Variants in ABRAXAS2 observed in about 807,000 individuals in gnomAD.
ABRAXAS2 encodes the protein BRISC complex subunit Abraxas 2.
A neutral mutation model predicts 49.0 loss-of-function variants in ABRAXAS2; 23 were observed. The ratio of observed to expected loss-of-function variants is 0.47; its 90% CI spans 0.34 to 0.66. ABRAXAS2 has a LOEUF of 0.66. Ranked by LOEUF, ABRAXAS2 falls within the 30% of genes least tolerant of loss-of-function variation. ABRAXAS2 has a pLI of 0.01. For synonymous variants in ABRAXAS2, 168 were observed against 180.2 expected (o/e 0.93, Z 0.54); for missense variants, 443 against 511.9 (o/e 0.87, Z 1.30).
intron 7 of ABRAXAS2, 83 bp from the exon 8 acceptor site, chr10:124,831,266 C>T: frequency 1.2e-6 from 1 of 823,326 alleles, no homozygotes; most frequent in Non-Finnish European, 2.1e-6. Context: ...CTGGACTTTT[C>T]CTGGAGTTGT....
chr10:124,813,765 G>T (rs1008458397), intron 2 of ABRAXAS2, among the ~76,000 whole-genome samples: 1 of 152,144 alleles, frequency 6.6e-6, no homozygotes. Context: ...TGTCTTTAGC[G>T]TGCTTCTAAT....
chr10:124,816,357 A>G (rs1221906436), intron 2 of ABRAXAS2, among the ~76,000 whole-genome samples: 1 of 152,228 alleles, frequency 6.6e-6, no homozygotes, highest in Admixed American at 6.5e-5. Context: ...ATACATGGAC[A>G]GATAGAAATA....
intron 3 of ABRAXAS2, among the ~76,000 whole-genome samples, chr10:124,817,350 G>C (rs1267530835): frequency 1.3e-5 from 2 of 152,112 alleles, no homozygotes; most frequent in East Asian, 3.9e-4. Flanking sequence ...GAGACACCTG[G>C]AGGGAAAAGA....
In ABRAXAS2 at chr10:124,806,876, A is replaced by G. The variant is rs1950748341; in HGVS notation, c.118A>G (p.Ile40Val). 2 of 1,612,532 alleles carry G rather than the reference A, an allele frequency of 1.2e-6. No individual in the cohort carries two copies. Among genetic ancestry groups the G allele is most frequent in the South Asian group, 1.1e-5 (1 of 90,690 alleles). Residue 40 changes from isoleucine (I) to valine (V), a missense_variant, in exon 2 of 9, where the codon ATC becomes GTC. This residue lies in a region of ABRAXAS2 where 166 missense variants were observed against 247.3 expected (regional missense o/e 0.67). Transcript: ENST00000298492. ...GGTAAGACAAGAGGAAACGTTTAGC[A>G]TCAGTGACTCACAAATCAGCAACAC... ...GEVRQEETFS[I>V]SDSQISNTEF...
At chr10:124,811,737 C>CA (rs1025680526) in intron 2 of ABRAXAS2, among the ~76,000 whole-genome samples, 34 of 150,356 alleles carry the variant, frequency 2.3e-4, no homozygotes, top group African/African-American at 7.5e-4. Context: ...GACTCCGTCT[C>CA]AAAAAAAAAG....
chr10:124,815,568 G>A (rs1589805296), intron 2 of ABRAXAS2, among the ~76,000 whole-genome samples: 2 of 152,290 alleles, frequency 1.3e-5, no homozygotes, highest in East Asian at 1.9e-4. Flanking sequence ...AACGGGTGAT[G>A]AGCTGCTCTC....
At chr10:124,810,647 A>G (rs1194674510) in intron 2 of ABRAXAS2, among the ~76,000 whole-genome samples, 5 of 151,314 alleles carry the variant, frequency 3.3e-5, no homozygotes, top group Non-Finnish European at 7.4e-5. Flanking sequence ...CAGTGGTGCA[A>G]TCTCAGCTCA....
intron 2 of ABRAXAS2, among the ~76,000 whole-genome samples, chr10:124,809,100 C>T (rs1950767109): frequency 6.6e-6 from 1 of 151,416 alleles, no homozygotes; most frequent in Non-Finnish European, 1.5e-5. Context: ...CATTCCACTC[C>T]AGCCTGGGCA....
At chr10:124,804,141 G>T (rs1457941080) in intron 1 of ABRAXAS2, among the ~76,000 whole-genome samples, 1 of 152,092 alleles carries the variant, frequency 6.6e-6, no homozygotes, top group Non-Finnish European at 1.5e-5. Flanking sequence ...GGCCTTAAGC[G>T]ATCTTCCGTT....
intron 2 of ABRAXAS2, 83 bp from the exon 3 acceptor site, chr10:124,816,493 T>TA (rs11451694): frequency 0.77 from 490,581 of 635,098 alleles, 174,193 homozygotes; most frequent in Admixed American, 0.82. Flanking sequence ...AGATTTTGAT[T>TA]AAAAAAAAAA....
intron 1 of ABRAXAS2, among the ~76,000 whole-genome samples, chr10:124,804,977 G>GTGC (rs1410711054): frequency 3.3e-5 from 5 of 152,036 alleles, no homozygotes; most frequent in Non-Finnish European, 7.4e-5. Context: ...GCCTCCCAAA[G>GTGC]TGCTGGGATT....
intron 3 of ABRAXAS2, among the ~76,000 whole-genome samples, chr10:124,818,855 G>T (rs557011736): frequency 1.3e-5 from 2 of 152,236 alleles, no homozygotes; most frequent in African/African-American, 4.8e-5. Context: ...TGATTTGGAG[G>T]AAGTCACTTG....
At chr10:124,810,465 A>G (rs1310601302) in intron 2 of ABRAXAS2, among the ~76,000 whole-genome samples, 2 of 152,302 alleles carry the variant, frequency 1.3e-5, no homozygotes, top group Non-Finnish European at 2.9e-5. Flanking sequence ...GTTTGAGGCT[A>G]CAGTGAACCG....
intron 3 of ABRAXAS2, among the ~76,000 whole-genome samples, chr10:124,817,126 G>A (rs893001638): frequency 6.6e-6 from 1 of 152,038 alleles, no homozygotes; most frequent in African/African-American, 2.4e-5. Context: ...TTATGAATGA[G>A]GCACAGTAAG....
intron 4 of ABRAXAS2, among the ~76,000 whole-genome samples, chr10:124,821,541 C>T (rs1355303687): frequency 6.8e-6 from 1 of 147,974 alleles, no homozygotes; most frequent in African/African-American, 2.5e-5. Context: ...ACACTCCCAC[C>T]TGGGTGACAG....
At chr10:124,826,464 C>A in intron 4 of ABRAXAS2, 131 bp from the exon 5 acceptor site, 1 of 779,482 alleles carries the variant, frequency 1.3e-6, no homozygotes, top group Non-Finnish European at 2.1e-6. Flanking sequence ...TGCTCATGGA[C>A]GCTTGGGTTG....
chr10:124,822,951 A>G (rs1950871836), intron 4 of ABRAXAS2, among the ~76,000 whole-genome samples: 1 of 152,180 alleles, frequency 6.6e-6, no homozygotes, highest in Non-Finnish European at 1.5e-5. Flanking sequence ...TCTGCGGCCA[A>G]GAGTCTCAAA....
intron 2 of ABRAXAS2, among the ~76,000 whole-genome samples, chr10:124,807,490 T>TA (rs1435940242): frequency 6.8e-6 from 1 of 145,986 alleles, no homozygotes; most frequent in African/African-American, 2.5e-5. Context: ...CCGTCTCTAC[T>TA]AAAAATACAA....
intron 2 of ABRAXAS2, among the ~76,000 whole-genome samples, chr10:124,808,887 T>G (rs537072954): frequency 8.5e-5 from 13 of 152,142 alleles, no homozygotes; most frequent in Non-Finnish European, 1.8e-4. Context: ...TCCCAGCACT[T>G]TGGGAGGCCA....
Sources: allele counts gnomAD v4.1 joint callset (sites outside exome capture counted in the v4.1 genomes callset), GRCh38; gene constraint gnomAD v4.1.1; regional missense constraint gnomAD v4.1.1; transcripts MANE v1.5; gene names NCBI Gene and HGNC (gene_info 2026-07-23, HGNC 2026-07-21).